The following SRRT variants were observed in gnomAD, a reference collection of about 807,000 sequenced individuals.
SRRT encodes serrate, RNA effector molecule.
Under a neutral mutation model 103.2 loss-of-function variants are expected in SRRT, and 32 were observed. The ratio of observed to expected loss-of-function variants is 0.31; its 90% confidence interval spans 0.23 to 0.42. The LOEUF (loss-of-function observed/expected upper bound fraction) is 0.42. Ranked by LOEUF, SRRT falls within the 10% of genes least tolerant of loss-of-function variation. The probability of loss-of-function intolerance (pLI) is 1.00; values close to 1 mark genes in which losing one functional copy is unlikely to be tolerated. For missense variants in SRRT, 986 were observed against 1,207.5 expected (o/e 0.82, Z 2.72); for synonymous variants, 525 against 449.0 (o/e 1.17, Z -2.14).
Position 100,885,804 on chromosome 7 carries a change from G to T in SRRT, c.1379+42G>T. On this transcript the variant is annotated intron_variant, in intron 11 of 19. Transcript: ENST00000611405. This position sits in a 1 kb window ranked among gnomAD's most constrained non-coding sequence, Gnocchi z 4.8. The stretch of plus-strand genomic sequence containing the variant: ...GTTGGAGGGAAAAGTGCAGGGGAAC[G>T]TTAATGGCCAACACCAACTCCCTCG... 1 of 1,613,774 alleles carries T rather than the reference G, an allele frequency of 6.2e-7. No individual in the cohort carries two copies. The highest frequency in any genetic ancestry group is 1.3e-5 in the African/African-American group (1 of 75,020).
Position 100,887,989 on chromosome 7 carries a change from T to C in SRRT, c.2327-53T>C. The stretch of plus-strand genomic sequence containing the variant: ...AGGCCATAGCCCTAGAAGTCAATTG[T>C]ACCCGTATCCCCCTCCCCGCCCCCG... On this transcript the variant is annotated intron_variant, in intron 17 of 19. Transcript: ENST00000611405. This position sits in a 1 kb window ranked among gnomAD's most constrained non-coding sequence, Gnocchi z 4.1. 1 of 1,525,210 alleles carries C rather than the reference T, an allele frequency of 6.6e-7. No homozygotes were observed. Among genetic ancestry groups the C allele is most frequent in the African/African-American group, 1.4e-5 (1 of 71,904 alleles). 94.5% of individuals were successfully genotyped at this position (1,525,210 alleles called of 1,614,324 possible). A position where few individuals can be genotyped will look rare whatever the true frequency, so the allele number is the denominator to read the frequency against.
At chr7:100,879,641 A>G (rs1389584674) in intron 2 of SRRT, among the ~76,000 whole-genome samples, 2 of 152,170 alleles carry the variant, frequency 1.3e-5, no homozygotes, top group African/African-American at 4.8e-5. Flanking sequence ...GTAAGTATCG[A>G]TAGATGTAAC....
rs1790294853 is a variant in SRRT, at chr7:100,887,885, A to G, written c.2326+26A>G. The G allele has an allele frequency of 1.3e-6, 2 of 1,587,912 alleles. No individual in the cohort carries two copies. Among genetic ancestry groups the G allele is most frequent in the South Asian group, 1.1e-5 (1 of 90,074 alleles). On this transcript the variant is annotated intron_variant, in intron 17 of 19. Coordinates refer to ENST00000611405, the MANE Select transcript of SRRT (RefSeq NM_015908.6). This position sits in a 1 kb window ranked among gnomAD's most constrained non-coding sequence, Gnocchi z 4.1. Reference sequence around the variant, plus strand: ...GTAAGATACGATCCATGAAGGTCGCATGTGCCCTCTTCCTTGACTACCCAG... The same window carrying G: ...GTAAGATACGATCCATGAAGGTCGCGTGTGCCCTCTTCCTTGACTACCCAG...
In SRRT at chr7:100,886,856, G is replaced by C; in HGVS notation, c.1709G>C (p.Ser570Thr). 1 of 1,614,200 alleles carries C rather than the reference G, an allele frequency of 6.2e-7. No individual in the cohort carries two copies. The highest frequency in any genetic ancestry group is 8.5e-7 in the Non-Finnish European group (1 of 1,180,032). The change falls in exon 14 of 20, where the codon AGC becomes ACC. Residue 570 changes from serine to threonine, a missense_variant. This residue lies in a region of SRRT where 349 missense variants were observed against 446.9 expected (regional missense o/e 0.78). Transcript: ENST00000611405. Reference protein sequence around the residue: ...NITDYLIEEVSAEEEELLGSS... With the variant: ...NITDYLIEEVTAEEEELLGSS... ...ACCGACTACCTGATCGAGGAAGTAA[G>C]CGCCGAGGAGGAGGAGCTGCTGGGG... is the stretch of plus-strand genomic sequence containing the variant.
rs562575393 is a variant in SRRT at position 100,885,313 on chromosome 7, C to T, written c.1260C>T (p.Thr420=). 1.1e-5 allele frequency: 17 copies of T among 1,614,186 alleles called. No individual in the cohort carries two copies. The African/African-American group carries it at 1.6e-4, about 15-fold the overall frequency. The change falls in exon 10 of 20, where the codon ACC becomes ACT. Residue 420 remains threonine, a synonymous_variant. Transcript: ENST00000611405. This position sits in a 1 kb window ranked among gnomAD's most constrained non-coding sequence, Gnocchi z 4.8. The stretch of plus-strand genomic sequence containing the variant: ...GCAAGCCGCGGCCGCTGCATAAGAC[C>T]TGCTCCCTCTTCATGCGCAACATCG... The part of the protein sequence containing the change: ...LECKPRPLHK[T]CSLFMRNIAP...
chr7:100,885,162 C>T lies in SRRT; in HGVS notation c.1160-51C>T, dbSNP rs1789969438. On this transcript the variant is annotated intron_variant, in intron 9 of 19. Coordinates refer to ENST00000611405, the MANE Select transcript of SRRT (RefSeq NM_015908.6). The surrounding 1 kb of genome is among the most constrained non-coding windows in gnomAD (Gnocchi z 4.8). The stretch of plus-strand genomic sequence containing the variant: ...GAAAGCTTCTGTATCCTCCCCACCA[C>T]AATCAGTAATAAAAATGCACCAACT... The T allele has an allele frequency of 3.1e-6, 5 of 1,604,358 alleles. No individual in the cohort carries two copies. In the East Asian group the frequency reaches 1.1e-4, roughly 36 times the overall value.
Position 100,888,087 on chromosome 7 carries a change from C to T in SRRT, c.2372C>T (p.Thr791Ile), listed in dbSNP as rs1790334632. The T allele has an allele frequency of 6.2e-7, 1 of 1,605,372 alleles. No individual in the cohort carries two copies. The highest frequency in any genetic ancestry group is 8.5e-7 in the Non-Finnish European group (1 of 1,175,936). Residue 791 changes from threonine to isoleucine, a missense_variant, in exon 18 of 20, where the codon ACT (threonine) becomes ATT (isoleucine). Coordinates refer to ENST00000611405, the MANE Select transcript of SRRT (RefSeq NM_015908.6). ...CCAGGACTCCCCTACCCACACCAGA[C>T]TCCCCAGGGCCTGATGCCCTATGGT... ...LTPGLPYPHQ[T>I]PQGLMPYGQP...
intron 2 of SRRT, chr7:100,876,012 C>G (rs1402423816): frequency 3.0e-6 from 1 of 334,616 alleles, no homozygotes; most frequent in Non-Finnish European, 5.9e-6. Context: ...GAGATGGGGT[C>G]TTGTTCTGCT....
chr7:100,880,916 G>A (rs1050512748), intron 2 of SRRT: 24 of 275,506 alleles, frequency 8.7e-5, no homozygotes, highest in Middle Eastern at 4.2e-4. Flanking sequence ...GTTTTGTTTT[G>A]AGACAGGGTC....
Position 100,886,429 on chromosome 7 carries a change from G to T in SRRT, c.1641G>T (p.Leu547=), listed in dbSNP as rs772958349. 3 of 1,611,308 alleles carry T rather than the reference G, an allele frequency of 1.9e-6. No individual in the cohort carries two copies. Among genetic ancestry groups the T allele is most frequent in the Non-Finnish European group, 2.5e-6 (3 of 1,179,276 alleles). The change falls in exon 13 of 20, where the codon CTG becomes CTT. Residue 547 remains leucine, a synonymous_variant. Transcript: ENST00000611405. ...CCTCAGAACCAGGGACGCCTCCCCT[G>T]CCCACGGTCAGTGACTCCCCAAAGG... The part of the protein sequence containing the change: ...LWASEPGTPP[L]PTSLPSQNPI...
At chr7:100,881,034 G>C (rs1303066310) in intron 2 of SRRT, among the ~76,000 whole-genome samples, 1 of 151,682 alleles carries the variant, frequency 6.6e-6, no homozygotes, top group Non-Finnish European at 1.5e-5. Flanking sequence ...GTATCTCAGG[G>C]TGTAAGAAGG....
rs775643465 is a variant in SRRT, at chr7:100,888,274, G to A, written c.2446G>A (p.Ala816Thr). 3.7e-6 allele frequency: 6 copies of A among 1,610,036 alleles called. No individual in the cohort carries two copies. The Admixed American group carries it at 5.0e-5, about 13-fold the overall frequency. ...TGTCATAGCTGGTGCTGTCCGCCCTGCAGTCCCCACAGGAGGCCCTCCATA... is the reference window on the plus strand; with the variant it reads ...TGTCATAGCTGGTGCTGTCCGCCCTACAGTCCCCACAGGAGGCCCTCCATA... ...LGYGAGAVRP[A>T]VPTGGPPYPH... The change falls in exon 19 of 20, where the codon GCA (alanine) becomes ACA (threonine). Residue 816 changes from alanine (A) to threonine (T), a missense_variant. This residue lies in a region of SRRT where 178 missense variants were observed against 189.6 expected (regional missense o/e 0.94). Transcript: ENST00000611405.
At chr7:100,886,121 T>G in intron 12 of SRRT, 126 bp from the exon 13 acceptor site, 4 of 1,259,936 alleles carry the variant, frequency 3.2e-6, no homozygotes, top group Non-Finnish European at 4.4e-6. Context: ...ACCTATGTGG[T>G]CCCCGTCCCC....
chr7:100,886,115 A>C lies in SRRT; in HGVS notation c.1459-132A>C. ...TAGGGCGTTAGCATGGACGGAACCT[A>C]TGTGGTCCCCGTCCCCAGGGAGCTC... On this transcript the variant is annotated intron_variant, in intron 12 of 19. Transcript: ENST00000611405. 3 of 1,244,948 alleles carry C rather than the reference A, an allele frequency of 2.4e-6. No homozygotes were observed. The Admixed American group carries it at 6.7e-5, about 28-fold the overall frequency. 77.1% of individuals were successfully genotyped at this position (1,244,948 alleles called of 1,614,324 possible).
Position 100,884,413 on chromosome 7 carries a change from TGGAGCAGGA to T in SRRT, c.808_816del (p.Gln270_Glu272del). On this transcript the variant is annotated inframe_deletion, in exon 7 of 20. Transcript: ENST00000611405. ...GGCACGGAGAATGATCTTCGCATCC[TGGAGCAGGA>T]GGAGGAGGAGGAGCAGGCAGGAAAG... is the stretch of plus-strand genomic sequence containing the variant. 1 of 1,613,320 alleles carries T rather than the reference TGGAGCAGGA, an allele frequency of 6.2e-7. No individual in the cohort carries two copies. The highest frequency in any genetic ancestry group is 8.5e-7 in the Non-Finnish European group (1 of 1,179,684).
Position 100,887,835 on chromosome 7 carries a change from G to A in SRRT, c.2302G>A (p.Ala768Thr), listed in dbSNP as rs1790288376. The change falls in exon 17 of 20, where the codon GCC (alanine) becomes ACC (threonine). Residue 768 changes from alanine (A) to threonine (T), a missense_variant. By Grantham distance (58) the Ala-to-Thr change is moderately conservative. Coordinates refer to ENST00000611405, the MANE Select transcript of SRRT (RefSeq NM_015908.6). This position sits in a 1 kb window ranked among gnomAD's most constrained non-coding sequence, Gnocchi z 4.1. ...KRPALPEIKP[A>T]QPPGPAQILP... ...CCCAGCTCTGCCTGAGATCAAGCCA[G>A]CCCAGCCACCTGGCCCCGCCCAGAG... 2 of 1,607,172 alleles carry A rather than the reference G, an allele frequency of 1.2e-6. No homozygotes were observed. Among genetic ancestry groups the A allele is most frequent in the Non-Finnish European group, 1.7e-6 (2 of 1,174,158 alleles).
intron 13 of SRRT, 65 bp from the exon 14 acceptor site, chr7:100,886,730 G>C: frequency 6.4e-7 from 1 of 1,568,044 alleles, no homozygotes; most frequent in Non-Finnish European, 8.7e-7. Flanking sequence ...TTCACTTGTG[G>C]AAAGTCTCAG....
chr7:100,888,502 G>T lies in SRRT; in HGVS notation c.2584G>T (p.Val862Leu), dbSNP rs1790414054. 1 of 1,614,076 alleles carries T rather than the reference G, an allele frequency of 6.2e-7. No individual in the cohort carries two copies. The highest frequency in any genetic ancestry group is 1.3e-5 in the African/African-American group (1 of 74,910). ...RMVRGDPRAI[V>L]EYRDLDAPDD... ...GGTTCGTGGAGACCCAAGGGCCATT[G>T]TGGAATATCGGGACCTGGATGCCCC... The change falls in exon 20 of 20, where the codon GTG becomes TTG. Residue 862 changes from valine (V) to leucine (L), a missense_variant. By Grantham distance (32) the Val-to-Leu change is conservative. Transcript: ENST00000611405.
At chr7:100,881,889 C>A in intron 4 of SRRT, 84 bp downstream of exon 4, 1 of 1,510,108 alleles carries the variant, frequency 6.6e-7, no homozygotes, top group Non-Finnish European at 8.9e-7. Flanking sequence ...AGCCAGGGAG[C>A]GGGTCAGGCA....
Sources: allele counts gnomAD v4.1 joint callset (sites outside exome capture counted in the v4.1 genomes callset), GRCh38; gene constraint gnomAD v4.1.1; regional missense constraint gnomAD v4.1.1; non-coding constraint Gnocchi (gnomAD v3.1); transcripts MANE v1.5; gene names NCBI Gene and HGNC (gene_info 2026-07-23, HGNC 2026-07-21).